The following RSPH14 variants were observed in gnomAD, a reference collection of about 807,000 sequenced individuals.
RSPH14 encodes rhabdoid tumor deletion region gene 1.
Under a neutral mutation model 26.7 loss-of-function variants are expected in RSPH14, and 20 were observed. The observed-to-expected ratio is 0.75, with a 90% CI of 0.53 to 1.09. RSPH14 has a LOEUF of 1.09. Ranked by LOEUF, RSPH14 falls within the 50% of genes least tolerant of loss-of-function variation. The probability of loss-of-function intolerance (pLI) is 0.00; values close to 1 mark genes in which losing one functional copy is unlikely to be tolerated. For synonymous variants in RSPH14, 177 were observed against 189.3 expected (o/e 0.93, Z 0.53); for missense variants, 449 against 457.2 (o/e 0.98, Z 0.16).
upstream of RSPH14, among the ~76,000 whole-genome samples, chr22:23,143,514 C>A (rs970641948): frequency 6.6e-6 from 1 of 152,098 alleles, no homozygotes; most frequent in African/African-American, 2.4e-5. Flanking sequence ...ATACTTAACC[C>A]TGTCTTCCAC....
At chr22:23,122,743 G>A (rs1182241378) in intron 4 of RSPH14, 2 of 305,512 alleles carry the variant, frequency 6.5e-6, no homozygotes, top group East Asian at 6.0e-5. Context: ...AAGATGGGGG[G>A]TCCTCGGAGC....
At chr22:23,178,555 G>T in the RSPH14 span, among the ~76,000 whole-genome samples, 2 of 152,234 alleles carry the variant, frequency 1.3e-5, no homozygotes, top group Non-Finnish European at 2.9e-5. Context: ...GCAGCCTGAT[G>T]GGAAGGGGAT....
chr22:23,072,814 C>T (rs1011423746), intron 4 of RSPH14, among the ~76,000 whole-genome samples: 1 of 152,206 alleles, frequency 6.6e-6, no homozygotes, highest in Non-Finnish European at 1.5e-5. Flanking sequence ...TCTAGAATCT[C>T]AGGAGGAACC....
At position 23,130,645 on chromosome 22, in the gene RSPH14, G is replaced by A. The variant is rs566261329; in HGVS notation, c.421+3381C>T. 2.6e-5 allele frequency among the ~76,000 whole-genome samples: 4 copies of A among 152,238 alleles called. No individual in the cohort carries two copies. In the East Asian group the frequency reaches 5.8e-4, roughly 22 times the overall value. ...AATGATATTTGCAATGTAGGTAACCGACAAAGGGCTGGAATCCAGGATAAA... is the reference window on the plus strand; with the variant it reads ...AATGATATTTGCAATGTAGGTAACCAACAAAGGGCTGGAATCCAGGATAAA... On this transcript the variant is annotated intron_variant, in intron 4 of 6. Transcript: ENST00000216036.
intron 4 of RSPH14, among the ~76,000 whole-genome samples, chr22:23,100,461 G>A (rs2069265710): frequency 6.6e-6 from 1 of 152,226 alleles, no homozygotes; most frequent in Admixed American, 6.5e-5. Flanking sequence ...CCAGGGGACG[G>A]GGGACATAAG....
rs796661285 is a variant in RSPH14 at position 23,134,560 on chromosome 22, A to G, written c.303-416T>C. The stretch of plus-strand genomic sequence containing the variant: ...CCCAACTCCCAACCAAAAAAAAAAA[A>G]AAAAAAAAAAAAGGAGATGATTGGC... On this transcript the variant is annotated intron_variant, in intron 3 of 6. Coordinates refer to ENST00000216036, the MANE Select transcript of RSPH14 (RefSeq NM_014433.3). Among the ~76,000 whole-genome samples, 3 of 150,002 alleles carry G rather than the reference A, an allele frequency of 2.0e-5. No homozygotes were observed. In the South Asian group the frequency reaches 6.3e-4, roughly 32 times the overall value.
chr22:23,107,962 G>A (rs980800908), intron 4 of RSPH14, among the ~76,000 whole-genome samples: 3 of 152,130 alleles, frequency 2.0e-5, no homozygotes, highest in Non-Finnish European at 2.9e-5. Context: ...GGCCCAGCCC[G>A]AGTCCCTTCA....
the RSPH14 span, chr22:23,156,041 C>T: frequency 1.9e-6 from 3 of 1,609,636 alleles, no homozygotes; most frequent in African/African-American, 4.0e-5. Flanking sequence ...GGGTGAGCAA[C>T]ATGCCACGTC....
chr22:23,114,405 C>T (rs963051372), intron 4 of RSPH14, among the ~76,000 whole-genome samples: 1 of 152,226 alleles, frequency 6.6e-6, no homozygotes, highest in African/African-American at 2.4e-5. Context: ...CCACCCTTCC[C>T]AGCAATGCGG....
intron 4 of RSPH14, chr22:23,124,320 A>AT (rs1054986338): frequency 9.4e-5 from 33 of 352,236 alleles, no homozygotes; most frequent in East Asian, 3.0e-4. Context: ...TTCAAAACAT[A>AT]TTTTTTTTCA....
chr22:23,128,692 CAG>C (rs1414529198), intron 4 of RSPH14, among the ~76,000 whole-genome samples: 3 of 152,190 alleles, frequency 2.0e-5, no homozygotes, highest in East Asian at 1.9e-4. Flanking sequence ...ACCCATGACA[CAG>C]GGGAAGAAAC....
upstream of RSPH14, among the ~76,000 whole-genome samples, chr22:23,147,502 T>A (rs1240965796): frequency 6.6e-6 from 1 of 152,168 alleles, no homozygotes; most frequent in East Asian, 1.9e-4. Context: ...GGCTAATTTT[T>A]AATTTTTTTT....
upstream of RSPH14, among the ~76,000 whole-genome samples, chr22:23,143,314 AATAAATAAATAAATAAATAG>A (rs1436291248): frequency 1.5e-4 from 22 of 142,108 alleles, no homozygotes; most frequent in African/African-American, 4.3e-4. Flanking sequence ...TAAATAAATA[AATAAATAAATAAATAAATAG>A]ATATAATTTT....
chr22:23,139,031 A>G (rs887715645), intron 2 of RSPH14, 89 bp from the exon 3 acceptor site: 198 of 977,766 alleles, frequency 2.0e-4, no homozygotes, highest in Non-Finnish European at 2.9e-4. Flanking sequence ...TAAGTGGGCC[A>G]GTTGGGGCAG....
chr22:23,100,635 C>T (rs944969648), intron 4 of RSPH14, among the ~76,000 whole-genome samples: 1 of 152,238 alleles, frequency 6.6e-6, no homozygotes, highest in Admixed American at 6.5e-5. Context: ...AGCCTCAGCA[C>T]ACCACGAGGG....
Position 23,059,579 on chromosome 22 carries a change from C to A in RSPH14, c.930G>T (p.Gln310His), listed in dbSNP as rs376890646. 3 of 1,614,082 alleles carry A rather than the reference C, an allele frequency of 1.9e-6. No individual in the cohort carries two copies. In the African/African-American group the frequency reaches 4.0e-5, roughly 22 times the overall value. ...AEAPEGRKAL[Q>H]THVPTFRAME... Reference sequence around the variant, plus strand: ...TGGCACGGAAAGTGGGCACGTGCGTCTGCAGGGCCTTGCGGCCCTCGGGGG... The same window carrying A: ...TGGCACGGAAAGTGGGCACGTGCGTATGCAGGGCCTTGCGGCCCTCGGGGG... Residue 310 changes from glutamine to histidine, a missense_variant, in exon 7 of 7, where the codon CAG becomes CAT. Gln to His is a conservative substitution (Grantham distance 24). Coordinates refer to ENST00000216036, the MANE Select transcript of RSPH14 (RefSeq NM_014433.3).
At chr22:23,164,030 G>A in the RSPH14 span, 16 of 152,226 alleles carry the variant, frequency 1.1e-4, no homozygotes, top group Non-Finnish European at 2.1e-4. Flanking sequence ...ATAGCTTTGC[G>A]TACTCAGGAA....
chr22:23,170,963 T>TTTC, the RSPH14 span, among the ~76,000 whole-genome samples: 2 of 151,990 alleles, frequency 1.3e-5, no homozygotes, highest in African/African-American at 4.8e-5. Context: ...CCTGTTGCAC[T>TTTC]TTCTTTTTTC....
intron 4 of RSPH14, among the ~76,000 whole-genome samples, chr22:23,121,730 T>C (rs1226042599): frequency 6.6e-6 from 1 of 150,978 alleles, no homozygotes; most frequent in Non-Finnish European, 1.5e-5. Flanking sequence ...CTTTTTTTTT[T>C]TTTTTTTTTG....
Sources: gnomAD v4.1 joint callset for allele counts (sites outside exome capture counted in the v4.1 genomes callset) on GRCh38, gnomAD v4.1.1 for gene constraint, MANE v1.5 for transcripts, NCBI Gene and HGNC (gene_info 2026-07-23, HGNC 2026-07-21) for gene names.